The following PARP8 variants were observed in gnomAD, a reference collection of about 807,000 sequenced individuals.
The protein encoded by PARP8 is poly(ADP-ribose) polymerase family member 8.
A neutral mutation model predicts 124.1 loss-of-function variants in PARP8; 51 were observed. The ratio of observed to expected loss-of-function variants is 0.41; its 90% CI spans 0.33 to 0.52. The LOEUF (loss-of-function observed/expected upper bound fraction) is 0.52. PARP8 is among the 20% of genes least tolerant of loss of function. The pLI, the probability that PARP8 is intolerant of heterozygous loss-of-function variation, is 0.21. For missense variants in PARP8, 860 were observed against 1,018.9 expected (o/e 0.84, Z 2.12); for synonymous variants, 391 against 361.5 (o/e 1.08, Z -0.93).
intron 2 of PARP8, among the ~76,000 whole-genome samples, chr5:50,744,128 G>A (rs1465835168): frequency 6.6e-6 from 1 of 152,134 alleles, no homozygotes; most frequent in Non-Finnish European, 1.5e-5. Flanking sequence ...ATGAATTGGT[G>A]CATCGAAAAA....
chr5:50,762,218 A>G (rs151126566), intron 6 of PARP8, among the ~76,000 whole-genome samples: 7 of 152,272 alleles, frequency 4.6e-5, no homozygotes, highest in Admixed American at 4.6e-4. Flanking sequence ...ATTCTGAGAT[A>G]ATGACACTTG....
At chr5:50,760,797 A>G (rs1760469841) in intron 5 of PARP8, among the ~76,000 whole-genome samples, 1 of 152,042 alleles carries the variant, frequency 6.6e-6, no homozygotes, top group South Asian at 2.1e-4. Context: ...AAAAACACAA[A>G]CTCATCTTTT....
At chr5:50,720,412 C>T (rs886492725) in intron 2 of PARP8, among the ~76,000 whole-genome samples, 2 of 151,964 alleles carry the variant, frequency 1.3e-5, no homozygotes, top group Non-Finnish European at 2.9e-5. Context: ...CTGGTCTGAT[C>T]ACTCTATTCA....
chr5:50,734,789 G>A lies in PARP8; in HGVS notation c.147-15362G>A, dbSNP rs562743759. ...AGATATGTTTATTTTTAGACATAGA[G>A]AAGTGAATTTTTCCTGAGTATTGGA... On this transcript the variant is annotated intron_variant, in intron 2 of 25. Coordinates refer to ENST00000281631, the MANE Select transcript of PARP8 (RefSeq NM_024615.4). Among the ~76,000 whole-genome samples the A allele has an allele frequency of 3.6e-3, 553 of 152,170 alleles. 2 individuals are homozygous for A. The highest frequency in any genetic ancestry group is 5.4e-3 in the Non-Finnish European group (368 of 67,964).
chr5:50,808,122 A>G (rs887638663), intron 14 of PARP8, among the ~76,000 whole-genome samples: 7 of 151,998 alleles, frequency 4.6e-5, no homozygotes, highest in Admixed American at 4.6e-4. Flanking sequence ...TAACCAAAAA[A>G]TGACTGAGGC....
At position 50,667,087 on chromosome 5, in the gene PARP8, A is replaced by T; in HGVS notation, c.-9A>T. On this transcript the variant is annotated 5_prime_UTR_variant, in exon 1 of 26. Transcript: ENST00000281631. ...AATAGCGGCTGCTTCTTTTCCAGGGATTTATTTAATGGGGATGTGTTCAAG... is the reference window on the plus strand; with the variant it reads ...AATAGCGGCTGCTTCTTTTCCAGGGTTTTATTTAATGGGGATGTGTTCAAG... 1 of 1,595,106 alleles carries T rather than the reference A, an allele frequency of 6.3e-7. No individual in the cohort carries two copies. Among genetic ancestry groups the T allele is most frequent in the Non-Finnish European group, 8.5e-7 (1 of 1,179,472 alleles).
At chr5:50,747,165 T>G (rs1293525001) in intron 2 of PARP8, among the ~76,000 whole-genome samples, 1 of 141,674 alleles carries the variant, frequency 7.1e-6, no homozygotes, top group African/African-American at 2.6e-5. Context: ...TTTGTTTTGT[T>G]TTTTTTTTTT....
Position 50,795,094 on chromosome 5 carries a change from G to A in PARP8, c.1105G>A (p.Ala369Thr). 6.8e-6 allele frequency: 11 copies of A among 1,614,172 alleles called. No homozygotes were observed. Among genetic ancestry groups the A allele is most frequent in the Admixed American group, 3.3e-5 (2 of 60,018 alleles). The change falls in exon 12 of 26, where the codon GCA becomes ACA. Residue 369 changes from alanine (A) to threonine (T), a missense_variant. Physicochemically the swap from Ala to Thr is moderately conservative, Grantham distance 58 (BLOSUM62 0). Around this residue, in one of 2 missense-constraint regions of PARP8, gnomAD observed 517 missense variants for 544.2 expected, o/e 0.95. Coordinates refer to ENST00000281631, the MANE Select transcript of PARP8 (RefSeq NM_024615.4). Reference sequence around the variant, plus strand: ...CAAACTTTTGAACCGTCCTTGCCCTGCAGCTGTTAAGTCAGAGGAATGCCT... The same window carrying A: ...CAAACTTTTGAACCGTCCTTGCCCTACAGCTGTTAAGTCAGAGGAATGCCT... ...SHKLLNRPCP[A>T]AVKSEECLTL...
intron 3 of PARP8, among the ~76,000 whole-genome samples, chr5:50,750,783 A>C (rs112089852): frequency 8.5e-4 from 130 of 152,280 alleles, no homozygotes; most frequent in African/African-American, 3.1e-3. Flanking sequence ...ATATGTTTTA[A>C]GAATAGTATT....
Position 50,735,379 on chromosome 5 carries a change from A to G in PARP8, c.147-14772A>G, listed in dbSNP as rs531772796. On this transcript the variant is annotated intron_variant, in intron 2 of 25. Coordinates refer to ENST00000281631, the MANE Select transcript of PARP8 (RefSeq NM_024615.4). The stretch of plus-strand genomic sequence containing the variant: ...TGGACAATGTGACTCCTTTGTTCTA[A>G]TTTTACATTATATGGTACAATCAAA... 4.8e-4 allele frequency among the ~76,000 whole-genome samples: 73 copies of G among 152,228 alleles called. 1 individual carries two copies. The South Asian group carries it at 8.9e-3, about 19-fold the overall frequency.
intron 16 of PARP8, among the ~76,000 whole-genome samples, chr5:50,821,819 G>A (rs1745793481): frequency 6.6e-6 from 1 of 152,102 alleles, no homozygotes; most frequent in African/African-American, 2.4e-5. Context: ...CAATTTTCTT[G>A]GAAGAACTTT....
chr5:50,750,240 A>AT (rs536968168), intron 3 of PARP8, 52 bp downstream of exon 3: 4 of 1,436,414 alleles, frequency 2.8e-6, no homozygotes, highest in African/African-American at 1.4e-5. Context: ...TCCTTTGAAT[A>AT]TTTTTTTCTT....
chr5:50,795,976 G>A (rs560821989), intron 12 of PARP8, among the ~76,000 whole-genome samples: 61 of 152,260 alleles, frequency 4.0e-4, no homozygotes, highest in Non-Finnish European at 7.1e-4. Flanking sequence ...TGCTGTAGCC[G>A]TTTTTGGGGG....
intron 9 of PARP8, among the ~76,000 whole-genome samples, chr5:50,779,075 A>G (rs1471296118): frequency 2.0e-5 from 3 of 152,110 alleles, no homozygotes; most frequent in African/African-American, 7.2e-5. Flanking sequence ...TTAAGCGACA[A>G]TGTTGCTATT....
chr5:50,698,326 T>C (rs1456465528), intron 2 of PARP8, among the ~76,000 whole-genome samples: 1 of 152,216 alleles, frequency 6.6e-6, no homozygotes, highest in African/African-American at 2.4e-5. Context: ...ACTTGAAGTG[T>C]TCATGTTAAT....
rs570417422 is a variant in PARP8 at position 50,695,361 on chromosome 5, C to A, written c.146+27236C>A. 6.6e-5 allele frequency among the ~76,000 whole-genome samples: 10 copies of A among 152,290 alleles called. 1 individual carries two copies. The South Asian group carries it at 1.2e-3, about 19-fold the overall frequency. ...AATGCTTAGAAAATTACTGAAGTAA[C>A]AACCTAGTGCAGGTTCATACTTAGT... On this transcript the variant is annotated intron_variant, in intron 2 of 25. Transcript: ENST00000281631.
intron 17 of PARP8, among the ~76,000 whole-genome samples, chr5:50,824,544 A>G (rs1045525983): frequency 1.3e-5 from 2 of 152,156 alleles, no homozygotes; most frequent in African/African-American, 4.8e-5. Context: ...TGGTTTGGCA[A>G]AGTGGGTTGG....
intron 7 of PARP8, among the ~76,000 whole-genome samples, chr5:50,771,649 T>C (rs1761641629): frequency 6.7e-6 from 1 of 148,686 alleles, no homozygotes; most frequent in African/African-American, 2.6e-5. Flanking sequence ...AAAGGGATTA[T>C]ATTCTATTAC....
chr5:50,752,379 G>T (rs1759355202), intron 3 of PARP8, among the ~76,000 whole-genome samples: 1 of 151,922 alleles, frequency 6.6e-6, no homozygotes, highest in Non-Finnish European at 1.5e-5. Context: ...ATGGTTCTGG[G>T]TCAGTTGTCT....
Sources: allele counts gnomAD v4.1 joint callset (sites outside exome capture counted in the v4.1 genomes callset), GRCh38; gene constraint gnomAD v4.1.1; regional missense constraint gnomAD v4.1.1; transcripts MANE v1.5; gene names NCBI Gene and HGNC (gene_info 2026-07-23, HGNC 2026-07-21).